TAX1BP3: variants seen among roughly 807,000 people sequenced by gnomAD.
TAX1BP3 encodes the protein tax1-binding protein 3.
In TAX1BP3, 13 loss-of-function variants were observed where a neutral mutation model predicts 15.3. That is an observed-to-expected ratio of 0.85 (90% CI 0.55 to 1.35). The LOEUF is 1.35. Ranked by LOEUF, TAX1BP3 falls within the 40% of genes most tolerant of loss-of-function variation. The pLI is 0.00. For synonymous variants in TAX1BP3, 70 were observed against 66.0 expected (o/e 1.06, Z -0.30); for missense variants, 147 against 169.6 (o/e 0.87, Z 0.74).
In TAX1BP3 at chr17:3,668,342, C is replaced by G. The variant is rs2076364331; in HGVS notation, c.39+146G>C. 9.1e-7 allele frequency: 1 copy of G among 1,099,226 alleles called. No homozygotes were observed. The highest frequency in any genetic ancestry group is 1.3e-6 in the Non-Finnish European group (1 of 789,692). 68.1% of individuals were successfully genotyped at this position (1,099,226 alleles called of 1,614,324 possible). A position where few individuals can be genotyped will look rare whatever the true frequency, so the allele number is the denominator to read the frequency against. On this transcript the variant is annotated intron_variant, in intron 1 of 3. Coordinates refer to ENST00000225525, the MANE Select transcript of TAX1BP3 (RefSeq NM_014604.4). The surrounding 1 kb of genome is among the most constrained non-coding windows in gnomAD (Gnocchi z 4.1). Reference sequence around the variant, plus strand: ...GTGGCTGGGGGAACTGCGGCCCGCTCCGGCAAAGCGGGGACCCGAGCCCTT... The same window carrying G: ...GTGGCTGGGGGAACTGCGGCCCGCTGCGGCAAAGCGGGGACCCGAGCCCTT...
At position 3,664,215 on chromosome 17, in the gene TAX1BP3, T is replaced by A. The variant is rs755115195; in HGVS notation, c.217A>T (p.Ile73Phe). Reference protein sequence around the residue: ...GGPAEIAGLQIGDKIMQVNGW... With the variant: ...GGPAEIAGLQFGDKIMQVNGW... The stretch of plus-strand genomic sequence containing the variant: ...GTTACCTGCATGATCTTGTCTCCAA[T>A]CTGCAGCCCAGCGATTTCAGCAGGG... Residue 73 changes from isoleucine (I) to phenylalanine (F), a missense_variant, in exon 3 of 4, where the codon ATT (isoleucine) becomes TTT (phenylalanine). Ile to Phe is a conservative substitution (Grantham distance 21). Coordinates refer to ENST00000225525, the MANE Select transcript of TAX1BP3 (RefSeq NM_014604.4). 1.2e-6 allele frequency: 2 copies of A among 1,614,098 alleles called. No individual in the cohort carries two copies. The highest frequency in any genetic ancestry group is 3.3e-5 in the Admixed American group (2 of 60,024).
rs767239364 is a variant in TAX1BP3 at position 3,663,754 on chromosome 17, C to T, written c.369G>A (p.Leu123=). The change falls in exon 4 of 4, where the codon CTG becomes CTA. Residue 123 remains leucine, a synonymous_variant. Coordinates refer to ENST00000225525, the MANE Select transcript of TAX1BP3 (RefSeq NM_014604.4). ...SLQKAVQQSM[L]S is the part of the protein sequence containing the mutation. Reference sequence around the variant, plus strand: ...TCGCAGATGGTGGTGGCTGCTAGGACAGCATGGACTGCTGCACGGCCTTCT... The same window carrying T: ...TCGCAGATGGTGGTGGCTGCTAGGATAGCATGGACTGCTGCACGGCCTTCT... 2 of 1,603,696 alleles carry T rather than the reference C, an allele frequency of 1.2e-6. No individual in the cohort carries two copies. Among genetic ancestry groups the T allele is most frequent in the South Asian group, 1.1e-5 (1 of 90,588 alleles).
In TAX1BP3 at chr17:3,668,366, T is replaced by C. The variant is rs1419751264; in HGVS notation, c.39+122A>G. 2.3e-6 allele frequency: 3 copies of C among 1,319,700 alleles called. No individual in the cohort carries two copies. Among genetic ancestry groups the C allele is most frequent in the African/African-American group, 1.5e-5 (1 of 66,040 alleles). 81.7% of individuals were successfully genotyped at this position (1,319,700 alleles called of 1,614,324 possible). On this transcript the variant is annotated intron_variant, in intron 1 of 3. Coordinates refer to ENST00000225525, the MANE Select transcript of TAX1BP3 (RefSeq NM_014604.4). This position sits in a 1 kb window ranked among gnomAD's most constrained non-coding sequence, Gnocchi z 4.1. The stretch of plus-strand genomic sequence containing the variant: ...TCCGGCAAAGCGGGGACCCGAGCCC[T>C]TGCCGCCGGTTCGCAGGAGCCCCGG...
In TAX1BP3 at chr17:3,663,887, T is replaced by C; in HGVS notation, c.238-2A>G. On this transcript the variant is annotated splice_acceptor_variant, in intron 3 of 3. Coordinates refer to ENST00000225525, the MANE Select transcript of TAX1BP3 (RefSeq NM_014604.4). LOFTEE classifies it high-confidence loss of function. ...CATGGTCATGTCCCAGCCGTTCACC[T>C]GGCCCCAGGAGAGAACACAGGCTCA... 6.2e-7 allele frequency: 1 copy of C among 1,606,862 alleles called. No individual in the cohort carries two copies.
chr17:3,665,593 G>A (rs1271712778), intron 1 of TAX1BP3: 5 of 1,340,272 alleles, frequency 3.7e-6, no homozygotes, highest in Admixed American at 1.7e-5. Flanking sequence ...AAAGGTACCT[G>A]GGTTCAACTA....
chr17:3,664,407 G>A, intron 2 of TAX1BP3, 135 bp from the exon 3 acceptor site: 2 of 1,136,252 alleles, frequency 1.8e-6, no homozygotes, highest in Non-Finnish European at 1.3e-6. Context: ...TATGGTCAGT[G>A]AGGACTGTTC....
chr17:3,664,110 G>T, intron 3 of TAX1BP3, 85 bp downstream of exon 3: 1 of 1,556,558 alleles, frequency 6.4e-7, no homozygotes, highest in South Asian at 1.1e-5. Context: ...TCTCCCAGCT[G>T]GGAGGCTGGG....
intron 1 of TAX1BP3, among the ~76,000 whole-genome samples, chr17:3,667,025 T>C (rs910658419): frequency 6.6e-6 from 1 of 152,122 alleles, no homozygotes; most frequent in African/African-American, 2.4e-5. Context: ...TGGTGCCTTC[T>C]CTCTGGGGCA....
At chr17:3,667,551 A>T (rs2076355420) in intron 1 of TAX1BP3, among the ~76,000 whole-genome samples, 1 of 152,144 alleles carries the variant, frequency 6.6e-6, no homozygotes, top group South Asian at 2.1e-4. Flanking sequence ...TAACACACCC[A>T]GTCCCTATGG....
chr17:3,667,340 CA>C lies in TAX1BP3; in HGVS notation c.39+1147del, dbSNP rs761986087. On this transcript the variant is annotated intron_variant, in intron 1 of 3. Transcript: ENST00000225525. ...CCTGGGCGACAGAGCAAGACTGTCT[CA>C]AAAAAAAAAAAAAAAAAAAAGTCAA... is the stretch of plus-strand genomic sequence containing the variant. 6.4e-3 allele frequency among the ~76,000 whole-genome samples: 393 copies of C among 61,164 alleles called. 1 individual carries two copies. Among genetic ancestry groups the C allele is most frequent in the South Asian group, 0.014 (29 of 2,002 alleles). The allele number at this position is 61,164 out of a possible 152,430, so 40.1% of individuals were successfully genotyped here.
chr17:3,668,497 G>A lies in TAX1BP3; in HGVS notation c.30C>T (p.Thr10=). The A allele has an allele frequency of 6.2e-7, 1 of 1,609,958 alleles. No homozygotes were observed. The highest frequency in any genetic ancestry group is 8.5e-7 in the Non-Finnish European group (1 of 1,178,798). Residue 10 remains threonine, a synonymous_variant, in exon 1 of 4, where the codon ACC becomes ACT. Coordinates refer to ENST00000225525, the MANE Select transcript of TAX1BP3 (RefSeq NM_014604.4). The surrounding 1 kb of genome is among the most constrained non-coding windows in gnomAD (Gnocchi z 4.1). MSYIPGQPV[T]AVVQRVEIHK... ...GCGCAAGCGCACTCACCACCACGGC[G>A]GTGACCGGCTGGCCCGGGATGTAGG...
Position 3,668,303 on chromosome 17 carries a change from G to A in TAX1BP3, c.39+185C>T, listed in dbSNP as rs2076363896. ...GGTCTCGGGAGGCTCTCGGGTCCCG[G>A]CCATCCCTGTTTCGTGGCTGGGGGA... On this transcript the variant is annotated intron_variant, in intron 1 of 3. Coordinates refer to ENST00000225525, the MANE Select transcript of TAX1BP3 (RefSeq NM_014604.4). The surrounding 1 kb of genome is among the most constrained non-coding windows in gnomAD (Gnocchi z 4.1). Among the ~76,000 whole-genome samples, 1 of 152,248 alleles carries A rather than the reference G, an allele frequency of 6.6e-6. No homozygotes were observed. Among genetic ancestry groups the A allele is most frequent in the African/African-American group, 2.4e-5 (1 of 41,472 alleles).
At position 3,663,734 on chromosome 17, in the gene TAX1BP3, G is replaced by A. The variant is rs764992409; in HGVS notation, c.*14C>T. 4 of 1,593,164 alleles carry A rather than the reference G, an allele frequency of 2.5e-6. No individual in the cohort carries two copies. The highest frequency in any genetic ancestry group is 3.4e-6 in the Non-Finnish European group (4 of 1,171,232). ...AGAGAGGCGGCAGGCAGGAGTCGCA[G>A]ATGGTGGTGGCTGCTAGGACAGCAT... On this transcript the variant is annotated 3_prime_UTR_variant, in exon 4 of 4. Coordinates refer to ENST00000225525, the MANE Select transcript of TAX1BP3 (RefSeq NM_014604.4).
chr17:3,664,907 C>T (rs2076322109), intron 1 of TAX1BP3, 109 bp from the exon 2 acceptor site: 2 of 1,476,402 alleles, frequency 1.4e-6, no homozygotes, highest in South Asian at 2.7e-5. Context: ...GTCCCAGGCC[C>T]CTGCAGGAAT....
chr17:3,665,134 G>T, intron 1 of TAX1BP3: 1 of 774,320 alleles, frequency 1.3e-6, no homozygotes, highest in East Asian at 2.6e-5. Context: ...GAGGTGCTCT[G>T]GAAAAGCAGA....
intron 1 of TAX1BP3, chr17:3,665,823 C>G (rs1026937392): frequency 8.1e-6 from 5 of 620,348 alleles, no homozygotes; most frequent in Non-Finnish European, 1.4e-5. Context: ...GCCGTGGATA[C>G]GTGTTCGTGA....
rs757924613 is a variant in TAX1BP3 at position 3,668,572 on chromosome 17, G to C, written c.-46C>G. The stretch of plus-strand genomic sequence containing the variant: ...CCAGCGCCGCTCCGAGAAGCCGGCA[G>C]CAGAGTACCCGCGGTCGCGCCCTCG... On this transcript the variant is annotated 5_prime_UTR_variant, in exon 1 of 4. Transcript: ENST00000225525. The surrounding 1 kb of genome is among the most constrained non-coding windows in gnomAD (Gnocchi z 4.1). 4.4e-6 allele frequency: 7 copies of C among 1,573,552 alleles called. No individual in the cohort carries two copies. The highest frequency in any genetic ancestry group is 6.0e-6 in the Non-Finnish European group (7 of 1,161,858).
intron 1 of TAX1BP3, chr17:3,665,679 A>T: frequency 1.3e-6 from 1 of 776,518 alleles, no homozygotes; most frequent in Non-Finnish European, 2.1e-6. Flanking sequence ...GCTGGAACCT[A>T]TTCCCTATGA....
At position 3,663,334 on chromosome 17, in the gene TAX1BP3, T is replaced by C; in HGVS notation, c.*414A>G. ...CACTGCGGTGTGGACACACGAGGGC[T>C]GGGGGGCAGGGGCGGAGCCGAACCC... On this transcript the variant is annotated 3_prime_UTR_variant, in exon 4 of 4. Transcript: ENST00000225525. The C allele has an allele frequency of 6.1e-6, 1 of 163,690 alleles. No homozygotes were observed. Among genetic ancestry groups the C allele is most frequent in the East Asian group, 1.7e-4 (1 of 5,752 alleles). 10.1% of individuals were successfully genotyped at this position (163,690 alleles called of 1,614,324 possible). A position where few individuals can be genotyped will look rare whatever the true frequency, so the allele number is the denominator to read the frequency against.
Sources: allele counts gnomAD v4.1 joint callset (sites outside exome capture counted in the v4.1 genomes callset), GRCh38; gene constraint gnomAD v4.1.1; non-coding constraint Gnocchi (gnomAD v3.1); transcripts MANE v1.5; gene names NCBI Gene and HGNC (gene_info 2026-07-23, HGNC 2026-07-21).